Variants in CEP97 observed in about 807,000 individuals in gnomAD.
The protein encoded by CEP97 is centrosomal protein 97.
In CEP97, 43 loss-of-function variants were observed where a neutral mutation model predicts 73.1. The ratio of observed to expected loss-of-function variants is 0.59; its 90% CI spans 0.46 to 0.76. CEP97 has a LOEUF of 0.76. CEP97 is among the 30% of genes least tolerant of loss of function. CEP97 has a pLI of 0.00. For synonymous variants in CEP97, 337 were observed against 370.0 expected, an observed-to-expected ratio of 0.91 and a Z score of 1.02; for missense variants, 939 against 1,014.0, an observed-to-expected ratio of 0.93 and a Z score of 1.00.
intron 8 of CEP97, 136 bp downstream of exon 8, chr3:101,757,332 A>T: frequency 1.1e-6 from 1 of 903,176 alleles, no homozygotes; most frequent in Non-Finnish European, 1.6e-6. Context: ...GATCTTATAC[A>T]TATCTATGTA....
At chr3:101,730,659 A>T (rs567186697) in intron 4 of CEP97, among the ~76,000 whole-genome samples, 1 of 152,124 alleles carries the variant, frequency 6.6e-6, no homozygotes. Flanking sequence ...TTCACTTAGA[A>T]AAAAACATGT....
chr3:101,728,714 C>T (rs893777210), intron 3 of CEP97, 122 bp from the exon 4 acceptor site: 49 of 665,468 alleles, frequency 7.4e-5, no homozygotes, highest in Non-Finnish European at 1.2e-4. Context: ...TTGCTAAGTT[C>T]TTCTACTCTG....
At chr3:101,726,190 A>G (rs896915740) in intron 1 of CEP97, among the ~76,000 whole-genome samples, 3 of 152,226 alleles carry the variant, frequency 2.0e-5, no homozygotes, top group South Asian at 2.1e-4. Flanking sequence ...TTGATTTTCA[A>G]AATCACAGTT....
At chr3:101,755,672 C>A in intron 7 of CEP97, 78 bp downstream of exon 7, 4 of 1,441,200 alleles carry the variant, frequency 2.8e-6, no homozygotes, top group Non-Finnish European at 3.8e-6. Flanking sequence ...TGATAGTAAG[C>A]CTGAGGCAAG....
rs1939350646 is a variant in CEP97 at position 101,767,590 on chromosome 3, A to G, written c.*2039A>G. The G allele has an allele frequency of 6.6e-6, 1 of 152,176 alleles. No homozygotes were observed. The highest frequency in any genetic ancestry group is 1.5e-5 in the Non-Finnish European group (1 of 68,024). The allele number at this position is 152,176 out of a possible 1,614,324, so 9.4% of individuals were successfully genotyped here. A position where few individuals can be genotyped will look rare whatever the true frequency, so the allele number is the denominator to read the frequency against. ...CTCTCCCTCCTGTCTTTTTTAAGTT[A>G]TGGAAAAACACAACTAAATTCATTT... is the stretch of plus-strand genomic sequence containing the variant. On this transcript the variant is annotated 3_prime_UTR_variant, in exon 11 of 11. Transcript: ENST00000341893.
intron 6 of CEP97, among the ~76,000 whole-genome samples, chr3:101,755,196 T>C (rs1308761176): frequency 6.6e-6 from 1 of 152,168 alleles, no homozygotes; most frequent in Non-Finnish European, 1.5e-5. Flanking sequence ...TTTGGCACCA[T>C]TAGTCCAAGC....
chr3:101,756,622 C>T (rs1272684361), intron 7 of CEP97, among the ~76,000 whole-genome samples: 2 of 152,058 alleles, frequency 1.3e-5, no homozygotes, highest in Non-Finnish European at 2.9e-5. Flanking sequence ...CAGCGATCCA[C>T]CTGCCTTGGC....
At chr3:101,741,043 C>T (rs1471926166) in intron 6 of CEP97, among the ~76,000 whole-genome samples, 1 of 150,566 alleles carries the variant, frequency 6.6e-6, no homozygotes, top group African/African-American at 2.5e-5. Flanking sequence ...GCTACAGTAA[C>T]CAAAACAGTG....
chr3:101,724,799 TA>T, intron 1 of CEP97, 80 bp downstream of exon 1: 1 of 1,444,996 alleles, frequency 6.9e-7, no homozygotes, highest in Non-Finnish European at 9.7e-7. Context: ...AACCTAGGTT[TA>T]GATGTGCAGT....
chr3:101,746,739 G>A (rs539816935), intron 6 of CEP97, among the ~76,000 whole-genome samples: 1 of 152,170 alleles, frequency 6.6e-6, no homozygotes, highest in African/African-American at 2.4e-5. Flanking sequence ...GAGTCAACAG[G>A]CAACCTACAA....
intron 6 of CEP97, among the ~76,000 whole-genome samples, chr3:101,743,676 T>G (rs780309487): frequency 6.6e-6 from 1 of 152,070 alleles, no homozygotes; most frequent in Non-Finnish European, 1.5e-5. Flanking sequence ...GATTATACAT[T>G]TGAGCCACTG....
intron 10 of CEP97, among the ~76,000 whole-genome samples, chr3:101,764,088 G>C (rs1442256458): frequency 6.6e-6 from 1 of 152,160 alleles, no homozygotes. Context: ...CTATGGAAAA[G>C]ATAAAGGGAG....
chr3:101,750,298 T>C (rs1336847819), intron 6 of CEP97, among the ~76,000 whole-genome samples: 2 of 148,992 alleles, frequency 1.3e-5, no homozygotes, highest in Non-Finnish European at 3.0e-5. Context: ...AAAGATCAGA[T>C]AGTTGTAGAT....
intron 1 of CEP97, among the ~76,000 whole-genome samples, chr3:101,724,974 C>G (rs939815454): frequency 6.6e-6 from 1 of 152,218 alleles, no homozygotes; most frequent in African/African-American, 2.4e-5. Flanking sequence ...GCCCTGGCTC[C>G]CGCGCTCCCG....
chr3:101,742,744 A>C (rs1290596425), intron 6 of CEP97, among the ~76,000 whole-genome samples: 1 of 152,110 alleles, frequency 6.6e-6, no homozygotes, highest in Non-Finnish European at 1.5e-5. Flanking sequence ...AAAAAAAAAA[A>C]AAAAGTGTGG....
chr3:101,755,687 G>T, intron 7 of CEP97, 93 bp downstream of exon 7: 1 of 1,267,838 alleles, frequency 7.9e-7, no homozygotes. Flanking sequence ...GGCAAGTGCT[G>T]CGGCCCACAT....
At chr3:101,741,161 T>C (rs1011240783) in intron 6 of CEP97, among the ~76,000 whole-genome samples, 2 of 152,040 alleles carry the variant, frequency 1.3e-5, no homozygotes, top group Non-Finnish European at 2.9e-5. Context: ...CTGCAAGCAA[T>C]GGGGAAAGGA....
At chr3:101,730,922 C>T (rs1485910657) in intron 4 of CEP97, among the ~76,000 whole-genome samples, 2 of 150,946 alleles carry the variant, frequency 1.3e-5, no homozygotes, top group African/African-American at 4.9e-5. Context: ...CTAATAGATG[C>T]TAAGAGAATT....
At chr3:101,760,022 C>CAAAAAAAAAAAA (rs78933956) in intron 9 of CEP97, among the ~76,000 whole-genome samples, 2 of 88,658 alleles carry the variant, frequency 2.3e-5, no homozygotes, top group African/African-American at 4.3e-5. Context: ...GATGGTGCAG[C>CAAAAAAAAAAAA]AAAAAAAAAA....
Sources: gnomAD v4.1 joint callset for allele counts (sites outside exome capture counted in the v4.1 genomes callset) on GRCh38, gnomAD v4.1.1 for gene constraint, MANE v1.5 for transcripts, NCBI Gene and HGNC (gene_info 2026-07-23, HGNC 2026-07-21) for gene names.